Variants in CAMKMT observed in about 807,000 individuals in gnomAD.
CAMKMT encodes the protein calmodulin-lysine N-methyltransferase.
Under a neutral mutation model 48.0 loss-of-function variants are expected in CAMKMT, and 53 were observed. That is an observed-to-expected ratio of 1.10 (90% confidence interval 0.89 to 1.39). CAMKMT has a LOEUF of 1.39. Among genes scored for constraint, CAMKMT ranks in the 40% most tolerant of loss-of-function variants. The pLI is 0.00. For missense variants in CAMKMT, 428 were observed against 402.7 expected (o/e 1.06, Z -0.54); for synonymous variants, 165 against 152.3 (o/e 1.08, Z -0.61).
chr2:44,478,661 G>A (rs896406805), intron 3 of CAMKMT, among the ~76,000 whole-genome samples: 2 of 150,696 alleles, frequency 1.3e-5, no homozygotes, highest in African/African-American at 4.9e-5. Context: ...TTTTCTGGTT[G>A]CAATAAAAAG....
intron 3 of CAMKMT, among the ~76,000 whole-genome samples, chr2:44,476,242 A>G (rs973990733): frequency 6.6e-6 from 1 of 152,180 alleles, no homozygotes; most frequent in Non-Finnish European, 1.5e-5. Flanking sequence ...TGAAGACACT[A>G]CTAAAGTGGT....
intron 2 of CAMKMT, among the ~76,000 whole-genome samples, chr2:44,386,865 C>A (rs1195360432): frequency 6.6e-6 from 1 of 151,924 alleles, no homozygotes; most frequent in East Asian, 1.9e-4. Context: ...TTTATTCCAC[C>A]ATGGTCTGAG....
At position 44,598,692 on chromosome 2, in the gene CAMKMT, C is replaced by T. The variant is rs78286806; in HGVS notation, c.377-105591C>T. ...AACCTAATTTGCAGCAAGCTTAGGA[C>T]CTTTAAAATCAGAAGTCCTTTGGGT... On this transcript the variant is annotated intron_variant, in intron 3 of 10. Transcript: ENST00000378494. Among the ~76,000 whole-genome samples the T allele has an allele frequency of 6.5e-3, 185 of 28,646 alleles. 29 individuals are homozygous for T. Among genetic ancestry groups the T allele is most frequent in the African/African-American group, 0.023 (179 of 7,640 alleles). The allele number at this position is 28,646 out of a possible 152,430, so 18.8% of individuals were successfully genotyped here.
At chr2:44,448,987 G>A (rs956057281) in intron 3 of CAMKMT, among the ~76,000 whole-genome samples, 1 of 152,132 alleles carries the variant, frequency 6.6e-6, no homozygotes, top group Non-Finnish European at 1.5e-5. Context: ...GGAAACTAGG[G>A]AGTATGGACG....
chr2:44,635,781 GTGT>G (rs1000792851), intron 3 of CAMKMT, among the ~76,000 whole-genome samples: 3 of 152,194 alleles, frequency 2.0e-5, no homozygotes, highest in African/African-American at 7.2e-5. Context: ...ATCTAACCTA[GTGT>G]TGTTGATTAG....
At chr2:44,571,992 T>C (rs913424470) in intron 3 of CAMKMT, among the ~76,000 whole-genome samples, 2 of 152,214 alleles carry the variant, frequency 1.3e-5, no homozygotes, top group African/African-American at 4.8e-5. Context: ...TTTTTTATCA[T>C]GGTAAAACAT....
intron 3 of CAMKMT, among the ~76,000 whole-genome samples, chr2:44,491,289 G>A (rs1209219270): frequency 6.6e-6 from 1 of 152,050 alleles, no homozygotes; most frequent in Non-Finnish European, 1.5e-5. Flanking sequence ...CCATTCTAGG[G>A]CAATGAAGTG....
intron 3 of CAMKMT, among the ~76,000 whole-genome samples, chr2:44,397,014 G>A (rs1477987618): frequency 6.8e-6 from 1 of 147,364 alleles, no homozygotes; most frequent in Non-Finnish European, 1.5e-5. Context: ...AGCCGAGATT[G>A]CACCACTGCC....
chr2:44,585,505 G>C (rs1044537525), intron 3 of CAMKMT, among the ~76,000 whole-genome samples: 28 of 152,180 alleles, frequency 1.8e-4, no homozygotes, highest in African/African-American at 6.5e-4. Flanking sequence ...TGTCAACCAT[G>C]AATCTTGTTT....
At chr2:44,651,819 T>C (rs116664150) in intron 3 of CAMKMT, among the ~76,000 whole-genome samples, 1,813 of 152,314 alleles carry the variant, frequency 0.012, 39 homozygotes, top group African/African-American at 0.042. Flanking sequence ...CCTGTACTTT[T>C]TGCATGTTAA....
At chr2:44,615,214 T>A (rs535119637) in intron 3 of CAMKMT, among the ~76,000 whole-genome samples, 1 of 152,178 alleles carries the variant, frequency 6.6e-6, no homozygotes, top group South Asian at 2.1e-4. Flanking sequence ...GTTGAATTAC[T>A]ATGCCCTGCC....
At chr2:44,722,176 C>CTT (rs11323950) in intron 7 of CAMKMT, among the ~76,000 whole-genome samples, 2 of 115,456 alleles carry the variant, frequency 1.7e-5, no homozygotes, top group Non-Finnish European at 3.6e-5. Flanking sequence ...TTTCTTTTTT[C>CTT]TTTTTTTTTT....
intron 3 of CAMKMT, among the ~76,000 whole-genome samples, chr2:44,499,217 A>G (rs537929807): frequency 3.3e-5 from 5 of 152,334 alleles, no homozygotes; most frequent in African/African-American, 1.2e-4. Context: ...AATGATGCTA[A>G]CAAGGACTGT....
intron 3 of CAMKMT, among the ~76,000 whole-genome samples, chr2:44,399,057 G>A (rs1047392533): frequency 1.1e-4 from 17 of 152,132 alleles, no homozygotes; most frequent in Non-Finnish European, 2.4e-4. Flanking sequence ...TTGAAAAGGC[G>A]CATGTTTTGT....
rs112268338 is a variant in CAMKMT, at chr2:44,633,772, T to C, written c.377-70511T>C. On this transcript the variant is annotated intron_variant, in intron 3 of 10. Transcript: ENST00000378494. ...GTTAAATTTTCTTGAGTTTCTTTTA[T>C]CATACTTTTTTTCTTCTTTAAACAT... 2.0e-3 allele frequency among the ~76,000 whole-genome samples: 312 copies of C among 152,292 alleles called. 1 individual carries two copies. In the Middle Eastern group the frequency reaches 0.024, roughly 12 times the overall value.
intron 8 of CAMKMT, among the ~76,000 whole-genome samples, chr2:44,750,492 A>G (rs1680107060): frequency 6.6e-6 from 1 of 152,178 alleles, no homozygotes; most frequent in Non-Finnish European, 1.5e-5. Flanking sequence ...ATCGTTGTCA[A>G]TTTTTATTAA....
At chr2:44,644,613 G>A (rs773852486) in intron 3 of CAMKMT, among the ~76,000 whole-genome samples, 17 of 152,124 alleles carry the variant, frequency 1.1e-4, no homozygotes, top group African/African-American at 1.9e-4. Context: ...GTTTTATTTC[G>A]TTGACATCTT....
chr2:44,365,106 T>C (rs574772634), intron 1 of CAMKMT, among the ~76,000 whole-genome samples: 1 of 152,326 alleles, frequency 6.6e-6, no homozygotes, highest in East Asian at 1.9e-4. Flanking sequence ...TCCTATCCTA[T>C]ATGCATCTAG....
At chr2:44,488,912 C>G (rs182740041) in intron 3 of CAMKMT, among the ~76,000 whole-genome samples, 2 of 150,772 alleles carry the variant, frequency 1.3e-5, no homozygotes, top group Admixed American at 1.3e-4. Flanking sequence ...ATTGCCCAGA[C>G]TGGAGTACAG....
Sources: allele counts gnomAD v4.1 joint callset (sites outside exome capture counted in the v4.1 genomes callset), GRCh38; gene constraint gnomAD v4.1.1; transcripts MANE v1.5; gene names NCBI Gene and HGNC (gene_info 2026-07-23, HGNC 2026-07-21).